The following IKBKE variants were observed in gnomAD, a reference collection of about 807,000 sequenced individuals.
IKBKE encodes the protein inhibitor of nuclear factor kappa B kinase subunit epsilon.
A neutral mutation model predicts 92.1 loss-of-function variants in IKBKE; 45 were observed. The observed-to-expected ratio is 0.49, with a 90% confidence interval of 0.38 to 0.63. The LOEUF (loss-of-function observed/expected upper bound fraction) is 0.63, where lower values mean the gene tolerates loss of function less well. Among genes scored for constraint, IKBKE ranks in the 20% least tolerant of loss-of-function variants. The probability of loss-of-function intolerance (pLI) is 0.00; values close to 1 mark genes in which losing one functional copy is unlikely to be tolerated. For missense variants in IKBKE, 700 were observed against 932.8 expected, an observed-to-expected ratio of 0.75 and a Z score of 3.25; for synonymous variants, 374 against 380.3, an observed-to-expected ratio of 0.98 and a Z score of 0.19.
chr1:206,487,799 C>G lies in IKBKE; in HGVS notation c.1617-115C>G. On this transcript the variant is annotated intron_variant, in intron 15 of 21. Coordinates refer to ENST00000581977, the MANE Select transcript of IKBKE (RefSeq NM_014002.4). This position sits in a 1 kb window ranked among gnomAD's most constrained non-coding sequence, Gnocchi z 5.3. ...CACCTCCACTCCCAGACTGATCCCC[C>G]AAAACTGTGGCTGTGAGGCTCCTCC... 2.6e-6 allele frequency: 2 copies of G among 782,276 alleles called. No homozygotes were observed. The highest frequency in any genetic ancestry group is 4.3e-6 in the Non-Finnish European group (2 of 463,780). 48.5% of individuals were successfully genotyped at this position (782,276 alleles called of 1,614,324 possible).
chr1:206,475,109 TA>T (rs782408478), intron 5 of IKBKE, 115 bp downstream of exon 5: 28 of 1,147,588 alleles, frequency 2.4e-5, no homozygotes, highest in Non-Finnish European at 2.9e-5. Flanking sequence ...AATTCCAACT[TA>T]AAAATTAAAC....
rs782337054 is a variant in IKBKE, at chr1:206,478,152, G to A, written c.813-8G>A. 41 of 1,612,596 alleles carry A rather than the reference G, an allele frequency of 2.5e-5. 1 individual carries two copies. In the South Asian group the frequency reaches 4.4e-4, roughly 17 times the overall value. On this transcript the variant is annotated splice_polypyrimidine_tract_variant and splice_region_variant and intron_variant, in intron 8 of 21. Transcript: ENST00000581977. This position sits in a 1 kb window ranked among gnomAD's most constrained non-coding sequence, Gnocchi z 4.8. ...ACCCCTGACAGTCTCCATGTCCTGGGAGGGCAGGGGGCTGCAGAGCCAGCT... is the reference window on the plus strand; with the variant it reads ...ACCCCTGACAGTCTCCATGTCCTGGAAGGGCAGGGGGCTGCAGAGCCAGCT...
rs1572246696 is a variant in IKBKE at position 206,479,755 on chromosome 1, T to C, written c.1184-115T>C. The C allele has an allele frequency of 6.2e-6, 7 of 1,134,676 alleles. No individual in the cohort carries two copies. The East Asian group carries it at 1.8e-4, about 29-fold the overall frequency. 70.3% of individuals were successfully genotyped at this position (1,134,676 alleles called of 1,614,324 possible). A position where few individuals can be genotyped will look rare whatever the true frequency, so the allele number is the denominator to read the frequency against. ...AAGGTGGGAGGCTCAGGGTGAGTTG[T>C]GAAGCCTGAGGTGGGAGATTGGCAG... On this transcript the variant is annotated intron_variant, in intron 10 of 21. Transcript: ENST00000581977.
rs782069235 is a variant in IKBKE at position 206,496,067 on chromosome 1, C to G, written c.2118-45C>G. Reference sequence around the variant, plus strand: ...TGGGCCCTGGAGTGTGGTCTGCAGGCCTCTCCAACAGGTGGGCACTGCTAG... The same window carrying G: ...TGGGCCCTGGAGTGTGGTCTGCAGGGCTCTCCAACAGGTGGGCACTGCTAG... On this transcript the variant is annotated intron_variant, in intron 21 of 21. Coordinates refer to ENST00000581977, the MANE Select transcript of IKBKE (RefSeq NM_014002.4). 3 of 1,536,974 alleles carry G rather than the reference C, an allele frequency of 2.0e-6. No homozygotes were observed. The Admixed American group carries it at 5.0e-5, about 26-fold the overall frequency.
Position 206,476,920 on chromosome 1 carries a change from G to A in IKBKE, c.701+82G>A. ...CCCACCGGTCCTTGCTGTGTCTTCT[G>A]GTCCCCTCACACTCCATGGCCCTCC... is the stretch of plus-strand genomic sequence containing the variant. On this transcript the variant is annotated intron_variant, in intron 7 of 21. Coordinates refer to ENST00000581977, the MANE Select transcript of IKBKE (RefSeq NM_014002.4). This position sits in a 1 kb window ranked among gnomAD's most constrained non-coding sequence, Gnocchi z 5.1. 6.6e-7 allele frequency: 1 copy of A among 1,508,734 alleles called. No homozygotes were observed. Among genetic ancestry groups the A allele is most frequent in the Non-Finnish European group, 9.1e-7 (1 of 1,095,140 alleles). The allele number at this position is 1,508,734 out of a possible 1,614,324, so 93.5% of individuals were successfully genotyped here.
In IKBKE at chr1:206,472,361, G is replaced by A. The variant is rs186365089; in HGVS notation, c.-32-835G>A. ...GCCAGCACTGGCCTTATTTTTCAAA[G>A]AGAAATTGAGTTTAACTTCTGAGGA... On this transcript the variant is annotated intron_variant, in intron 2 of 21. Coordinates refer to ENST00000581977, the MANE Select transcript of IKBKE (RefSeq NM_014002.4). Among the ~76,000 whole-genome samples the A allele has an allele frequency of 3.9e-3, 600 of 152,286 alleles. 1 individual carries two copies. The highest frequency in any genetic ancestry group is 0.013 in the African/African-American group (558 of 41,550).
chr1:206,492,165 A>G, intron 18 of IKBKE: 2 of 322,996 alleles, frequency 6.2e-6, no homozygotes, highest in Non-Finnish European at 1.2e-5. Flanking sequence ...ACCTGGTTAT[A>G]TTGAGAAGTC....
At position 206,485,553 on chromosome 1, in the gene IKBKE, G is replaced by T. The variant is rs1356557896; in HGVS notation, c.1616+247G>T. 6.6e-6 allele frequency among the ~76,000 whole-genome samples: 1 copy of T among 152,222 alleles called. No individual in the cohort carries two copies. Among genetic ancestry groups the T allele is most frequent in the African/African-American group, 2.4e-5 (1 of 41,462 alleles). ...TCTTGGAGTTTGAGGAATGCCTCGG[G>T]AATCTTAGCAGGTGCTATAATTCTG... On this transcript the variant is annotated intron_variant, in intron 15 of 21. Coordinates refer to ENST00000581977, the MANE Select transcript of IKBKE (RefSeq NM_014002.4). The surrounding 1 kb of genome is among the most constrained non-coding windows in gnomAD (Gnocchi z 5.0).
At chr1:206,482,948 A>G (rs1665480782) in intron 13 of IKBKE, among the ~76,000 whole-genome samples, 1 of 152,186 alleles carries the variant, frequency 6.6e-6, no homozygotes. Context: ...CATCCTGGTG[A>G]CCCACCTCTC....
rs782111869 is a variant in IKBKE, at chr1:206,478,172, C to G, written c.825C>G (p.Ser275Arg). Reference sequence around the variant, plus strand: ...CCTGGGAGGGCAGGGGGCTGCAGAGCCAGCTGGTGCCCATCCTGGCCAACA... The same window carrying G: ...CCTGGGAGGGCAGGGGGCTGCAGAGGCAGCTGGTGCCCATCCTGGCCAACA... The part of the protein sequence containing the change: ...ITCQLSLGLQ[S>R]QLVPILANIL... Residue 275 changes from serine to arginine, a missense_variant, in exon 9 of 22, where the codon AGC (serine) becomes AGG (arginine). Ser to Arg is a moderately radical substitution (Grantham distance 110). Coordinates refer to ENST00000581977, the MANE Select transcript of IKBKE (RefSeq NM_014002.4). The surrounding 1 kb of genome is among the most constrained non-coding windows in gnomAD (Gnocchi z 4.8). 6.2e-7 allele frequency: 1 copy of G among 1,613,796 alleles called. No individual in the cohort carries two copies. Among genetic ancestry groups the G allele is most frequent in the Admixed American group, 1.7e-5 (1 of 60,004 alleles).
chr1:206,495,828 G>A (rs986211704), intron 21 of IKBKE, among the ~76,000 whole-genome samples: 3 of 152,180 alleles, frequency 2.0e-5, no homozygotes, highest in African/African-American at 7.2e-5. Context: ...GCTACACACT[G>A]GAATCACCAG....
At position 206,478,840 on chromosome 1, in the gene IKBKE, C is replaced by T. The variant is rs1224151064; in HGVS notation, c.993-103C>T. On this transcript the variant is annotated intron_variant, in intron 9 of 21. Coordinates refer to ENST00000581977, the MANE Select transcript of IKBKE (RefSeq NM_014002.4). This position sits in a 1 kb window ranked among gnomAD's most constrained non-coding sequence, Gnocchi z 4.8. ...CCGTCCCTCCCTCTGCAAAACAGAG[C>T]CCTGTCTATGGGCAACGCTTAGCTG... The T allele has an allele frequency of 1.1e-6, 1 of 897,536 alleles. No individual in the cohort carries two copies. The highest frequency in any genetic ancestry group is 1.9e-6 in the Non-Finnish European group (1 of 538,102). 55.6% of individuals were successfully genotyped at this position (897,536 alleles called of 1,614,324 possible).
Position 206,476,964 on chromosome 1 carries a change from C to A in IKBKE, c.701+126C>A. Reference sequence around the variant, plus strand: ...GCCCTCCTCTGGTCCACCCCCCAACCCAGGCTCTTTGTAGATCTTTTTTTG... The same window carrying A: ...GCCCTCCTCTGGTCCACCCCCCAACACAGGCTCTTTGTAGATCTTTTTTTG... On this transcript the variant is annotated intron_variant, in intron 7 of 21. Transcript: ENST00000581977. This position sits in a 1 kb window ranked among gnomAD's most constrained non-coding sequence, Gnocchi z 5.1. 9.9e-7 allele frequency: 1 copy of A among 1,009,584 alleles called. No homozygotes were observed. The highest frequency in any genetic ancestry group is 1.4e-6 in the Non-Finnish European group (1 of 689,690). 62.5% of individuals were successfully genotyped at this position (1,009,584 alleles called of 1,614,324 possible).
At position 206,478,655 on chromosome 1, in the gene IKBKE, T is replaced by A. The variant is rs1553386143; in HGVS notation, c.993-288T>A. ...TACCCTTGATTCCTGGATAATTTTA[T>A]AGAACTAGGTAAATTTTAATGGCAG... is the stretch of plus-strand genomic sequence containing the variant. On this transcript the variant is annotated intron_variant, in intron 9 of 21. Transcript: ENST00000581977. The surrounding 1 kb of genome is among the most constrained non-coding windows in gnomAD (Gnocchi z 4.8). Among the ~76,000 whole-genome samples the A allele has an allele frequency of 6.6e-6, 1 of 152,148 alleles. No homozygotes were observed. Among genetic ancestry groups the A allele is most frequent in the Non-Finnish European group, 1.5e-5 (1 of 68,030 alleles).
chr1:206,476,904 C>A lies in IKBKE; in HGVS notation c.701+66C>A. 2 of 1,569,686 alleles carry A rather than the reference C, an allele frequency of 1.3e-6. No individual in the cohort carries two copies. The highest frequency in any genetic ancestry group is 1.1e-5 in the South Asian group (1 of 88,882). On this transcript the variant is annotated intron_variant, in intron 7 of 21. Transcript: ENST00000581977. The surrounding 1 kb of genome is among the most constrained non-coding windows in gnomAD (Gnocchi z 5.1). Reference sequence around the variant, plus strand: ...GTCCCCTGGCCCTTCCCCCACCGGTCCTTGCTGTGTCTTCTGGTCCCCTCA... The same window carrying A: ...GTCCCCTGGCCCTTCCCCCACCGGTACTTGCTGTGTCTTCTGGTCCCCTCA...
intron 18 of IKBKE, 29 bp downstream of exon 18, chr1:206,491,778 C>T: frequency 8.5e-6 from 13 of 1,527,112 alleles, no homozygotes; most frequent in Non-Finnish European, 1.2e-5. Context: ...CTCCTGGAGC[C>T]CAGGGCCTGG....
chr1:206,495,852 C>T (rs782606851), intron 21 of IKBKE, among the ~76,000 whole-genome samples: 5 of 152,200 alleles, frequency 3.3e-5, no homozygotes, highest in Admixed American at 2.6e-4. Context: ...AGCTTTTAAA[C>T]GTACAAATGC....
chr1:206,474,489 T>C lies in IKBKE; in HGVS notation c.228+18T>C. 3 of 1,606,812 alleles carry C rather than the reference T, an allele frequency of 1.9e-6. No individual in the cohort carries two copies. The highest frequency in any genetic ancestry group is 2.6e-6 in the Non-Finnish European group (3 of 1,175,750). On this transcript the variant is annotated intron_variant, in intron 4 of 21. Coordinates refer to ENST00000581977, the MANE Select transcript of IKBKE (RefSeq NM_014002.4). The stretch of plus-strand genomic sequence containing the variant: ...AGGAGACGGTAGGTCCGGTGCTTGG[T>C]CAGAGAATGGTCTTGTCCTTGACCC...
Position 206,492,923 on chromosome 1 carries a change from A to G in IKBKE, c.1836-100A>G, listed in dbSNP as rs781878354. The G allele has an allele frequency of 1.6e-5, 16 of 1,016,550 alleles. No homozygotes were observed. In the African/African-American group the frequency reaches 2.6e-4, roughly 16 times the overall value. 63.0% of individuals were successfully genotyped at this position (1,016,550 alleles called of 1,614,324 possible). A position where few individuals can be genotyped will look rare whatever the true frequency, so the allele number is the denominator to read the frequency against. ...GCAGCGAGGGAGGCAAATACCCGGG[A>G]CCCACCTGTGTCCATGTGTGGATCC... On this transcript the variant is annotated intron_variant, in intron 18 of 21. Transcript: ENST00000581977.
Sources: allele counts gnomAD v4.1 joint callset (sites outside exome capture counted in the v4.1 genomes callset), GRCh38; gene constraint gnomAD v4.1.1; non-coding constraint Gnocchi (gnomAD v3.1); transcripts MANE v1.5; gene names NCBI Gene and HGNC (gene_info 2026-07-23, HGNC 2026-07-21).